The following DENND1C variants were observed in gnomAD, a reference collection of about 807,000 sequenced individuals.
DENND1C encodes the protein DENN domain-containing protein 1C.
A neutral mutation model predicts 87.9 loss-of-function variants in DENND1C; 64 were observed. That is an observed-to-expected ratio of 0.73 (90% CI 0.60 to 0.90). The LOEUF (loss-of-function observed/expected upper bound fraction) is 0.90. DENND1C is among the 40% of genes least tolerant of loss of function. The pLI, the probability that DENND1C is intolerant of heterozygous loss-of-function variation, is 0.00. For synonymous variants in DENND1C, 384 were observed against 424.4 expected, an observed-to-expected ratio of 0.90 and a Z score of 1.17; for missense variants, 980 against 1,037.0, an observed-to-expected ratio of 0.95 and a Z score of 0.76.
At position 6,468,356 on chromosome 19, in the gene DENND1C, G is replaced by A. The variant is rs1568392158; in HGVS notation, c.1669C>T (p.Leu557=). ...TCCAGAATCTCGCTCAACAAATCCA[G>A]TTCTTCTCCAGACCCCAAGAAGCTG... ...DSSFLGSGEE[L]DLLSEILDSL... The change falls in exon 22 of 23, where the codon CTG becomes TTG. Residue 557 remains leucine (L), a synonymous_variant. Transcript: ENST00000381480. 1 of 1,613,874 alleles carries A rather than the reference G, an allele frequency of 6.2e-7. No homozygotes were observed. The highest frequency in any genetic ancestry group is 2.2e-5 in the East Asian group (1 of 44,876).
chr19:6,473,366 G>A (rs1429309061), intron 14 of DENND1C, among the ~76,000 whole-genome samples: 2 of 151,384 alleles, frequency 1.3e-5, no homozygotes, highest in African/African-American at 2.4e-5. Context: ...TGTTGGCCAG[G>A]TTGGTCTCCA....
At chr19:6,470,624 T>TG (rs1555747456) in intron 17 of DENND1C, among the ~76,000 whole-genome samples, 5 of 145,524 alleles carry the variant, frequency 3.4e-5, no homozygotes, top group African/African-American at 1.3e-4. Flanking sequence ...TTTTTTGTTT[T>TG]TTTTTTTTTT....
In DENND1C at chr19:6,472,547, C is replaced by G. The variant is rs370366056; in HGVS notation, c.1158+342G>C. ...CTGGGATTATAGGCGCACGCCACCA[C>G]GCCCAGCTAATTTTCGTATTTTTAG... On this transcript the variant is annotated intron_variant, in intron 15 of 22. Transcript: ENST00000381480. Among the ~76,000 whole-genome samples, 93 of 152,274 alleles carry G rather than the reference C, an allele frequency of 6.1e-4. 2 individuals carry two copies. The South Asian group carries it at 0.012, about 19-fold the overall frequency.
At chr19:6,470,047 AT>A in intron 18 of DENND1C, 1 of 380,286 alleles carries the variant, frequency 2.6e-6, no homozygotes, top group Admixed American at 4.1e-5. Context: ...TTGGCTGTCA[AT>A]TTTAAAGGGG....
chr19:6,480,460 C>G (rs919538357), intron 1 of DENND1C: 1 of 982,976 alleles, frequency 1.0e-6, no homozygotes, highest in African/African-American at 1.8e-5. Flanking sequence ...ACATCTCTCT[C>G]TCTCTATATA....
At chr19:6,476,801 C>T (rs1460450082) in intron 10 of DENND1C, 56 bp downstream of exon 10, 15 of 1,543,676 alleles carry the variant, frequency 9.7e-6, no homozygotes, top group East Asian at 9.1e-5. Flanking sequence ...CTTGTCCCGC[C>T]CCCCGGGGCG....
chr19:6,480,378 G>C lies in DENND1C; in HGVS notation c.18-327C>G, dbSNP rs771710055. 1.3e-4 allele frequency: 161 copies of C among 1,277,604 alleles called. 1 individual carries two copies. The highest frequency in any genetic ancestry group is 1.6e-4 in the Non-Finnish European group (158 of 1,003,196). The allele number at this position is 1,277,604 out of a possible 1,614,324, so 79.1% of individuals were successfully genotyped here. On this transcript the variant is annotated intron_variant, in intron 1 of 22. Transcript: ENST00000381480. Reference sequence around the variant, plus strand: ...GCTGTCTGCCTGAAAAGATGAGACTGTCTCCTATATCTGTGGCATGAGACT... The same window carrying C: ...GCTGTCTGCCTGAAAAGATGAGACTCTCTCCTATATCTGTGGCATGAGACT...
chr19:6,478,431 T>C (rs2092876098), intron 6 of DENND1C, among the ~76,000 whole-genome samples: 1 of 149,346 alleles, frequency 6.7e-6, no homozygotes, highest in Admixed American at 6.7e-5. Context: ...TTTTTTTGTA[T>C]TTTTAGTAGA....
At chr19:6,470,191 G>A in intron 18 of DENND1C, 104 bp downstream of exon 18, 1 of 1,131,320 alleles carries the variant, frequency 8.8e-7, no homozygotes, top group Non-Finnish European at 1.3e-6. Context: ...TGTGTTTAAA[G>A]TGTCTGCCAG....
intron 15 of DENND1C, among the ~76,000 whole-genome samples, chr19:6,472,053 GC>G (rs1355420564): frequency 6.6e-6 from 1 of 152,122 alleles, no homozygotes; most frequent in African/African-American, 2.4e-5. Context: ...ATTGATTTCT[GC>G]CCCCTCTAGA....
intron 19 of DENND1C, 136 bp from the exon 20 acceptor site, chr19:6,469,089 T>C: frequency 2.0e-6 from 1 of 509,620 alleles, no homozygotes; most frequent in Non-Finnish European, 3.2e-6. Context: ...TGGAGTGCAG[T>C]GGTGCCATCT....
chr19:6,475,314 AGGGCCTGGGCTTTG>A lies in DENND1C; in HGVS notation c.999_1012del (p.Lys334AlafsTer21). 3.1e-6 allele frequency: 5 copies of A among 1,613,446 alleles called. No individual in the cohort carries two copies. The highest frequency in any genetic ancestry group is 4.2e-6 in the Non-Finnish European group (5 of 1,179,834). ...TGCGTCGCGGTACCCCCCGAAGAGC[AGGGCCTGGGCTTTG>A]AGGAAGAGACGGGACACCCCTTCCC... On this transcript the variant is annotated frameshift_variant, in exon 14 of 23. Transcript: ENST00000381480. LOFTEE classifies it high-confidence loss of function.
intron 6 of DENND1C, 148 bp from the exon 7 acceptor site, chr19:6,477,606 T>TTAATAATAATAATAA (rs59685749): frequency 0.13 from 22,932 of 182,940 alleles, 2,035 homozygotes; most frequent in African/African-American, 0.19. Flanking sequence ...TTAAAAGAAA[T>TTAATAATAATAATAA]TAATAATAAT....
chr19:6,468,032 G>A lies in DENND1C; in HGVS notation c.1878C>T (p.Ala626=). The A allele has an allele frequency of 1.2e-6, 2 of 1,613,908 alleles. No individual in the cohort carries two copies. The highest frequency in any genetic ancestry group is 2.2e-5 in the East Asian group (1 of 44,882). Residue 626 remains alanine, a synonymous_variant, in exon 23 of 23, where the codon GCC becomes GCT. Transcript: ENST00000381480. The stretch of plus-strand genomic sequence containing the variant: ...AAGAGCTGGTGGCATCCAAAGACGA[G>A]GCATTTTGCAGGGATGGCAGGGAAA... ...QPLSLPSLQN[A]SSLDATSSSK...
In DENND1C at chr19:6,477,252, C is replaced by A. The variant is rs367697698; in HGVS notation, c.479G>T (p.Gly160Val). The change falls in exon 8 of 23, where the codon GGT becomes GTT. Residue 160 changes from glycine to valine, a missense_variant. Transcript: ENST00000381480. ...ATTCCCCCGGGTAGGGGGGGGGATACCCTGCCCGCTGGAGACCGTCACTCC... is the reference window on the plus strand; with the variant it reads ...ATTCCCCCGGGTAGGGGGGGGGATAACCTGCCCGCTGGAGACCGTCACTCC... ...GSGVTVSSGQGIPPPTRGNSK... is the reference protein window; with the variant it reads ...GSGVTVSSGQVIPPPTRGNSK... 1 of 1,583,714 alleles carries A rather than the reference C, an allele frequency of 6.3e-7. No individual in the cohort carries two copies. The highest frequency in any genetic ancestry group is 8.6e-7 in the Non-Finnish European group (1 of 1,163,026).
At chr19:6,475,423 G>C (rs1262562806) in intron 13 of DENND1C, 24 bp from the exon 14 acceptor site, 6 of 1,612,364 alleles carry the variant, frequency 3.7e-6, no homozygotes, top group Admixed American at 1.7e-5. Context: ...GAGTGGCCCT[G>C]AGTGGGCAGG....
In DENND1C at chr19:6,478,822, C is replaced by A. The variant is rs750928404; in HGVS notation, c.327G>T (p.Lys109Asn). ...GGAGGTCTCCCACTGTGTTCAATAG[C>A]TTGTAAAACACCTCGAACCAAGGCA... ...SHLPWFEVFY[K>N]LLNTVGDLLA... is the part of the protein sequence containing the mutation. Residue 109 changes from lysine to asparagine, a missense_variant, in exon 6 of 23, where the codon AAG (lysine) becomes AAT (asparagine). Lys to Asn is a moderately conservative substitution (Grantham distance 94). Transcript: ENST00000381480. The A allele has an allele frequency of 2.5e-6, 4 of 1,613,638 alleles. No homozygotes were observed. Among genetic ancestry groups the A allele is most frequent in the Non-Finnish European group, 3.4e-6 (4 of 1,179,758 alleles).
chr19:6,481,663 A>G lies in DENND1C; in HGVS notation c.17+16T>C, dbSNP rs373547648. 6 of 1,611,322 alleles carry G rather than the reference A, an allele frequency of 3.7e-6. No individual in the cohort carries two copies. Among genetic ancestry groups the G allele is most frequent in the Non-Finnish European group, 5.1e-6 (6 of 1,178,742 alleles). On this transcript the variant is annotated intron_variant, in intron 1 of 22. Transcript: ENST00000381480. ...GGAATCTTGTACCAGAGAATGAGGG[A>G]TGGGGTGGCTCTTACTCAGCTCTGG...
Position 6,475,259 on chromosome 19 carries a change from G to C in DENND1C, c.1053+15C>G. On this transcript the variant is annotated intron_variant, in intron 14 of 22. Transcript: ENST00000381480. ...GAACCCACGAGACCTCTCCCGCAGC[G>C]TCCCCGCTGCTCACCGGGCTGCAGA... 1 of 1,612,532 alleles carries C rather than the reference G, an allele frequency of 6.2e-7. No homozygotes were observed. Among genetic ancestry groups the C allele is most frequent in the East Asian group, 2.2e-5 (1 of 44,858 alleles).
Sources: gnomAD v4.1 joint callset for allele counts (sites outside exome capture counted in the v4.1 genomes callset) on GRCh38, gnomAD v4.1.1 for gene constraint, MANE v1.5 for transcripts, NCBI Gene and HGNC (gene_info 2026-07-23, HGNC 2026-07-21) for gene names.